DLG2: variants seen among roughly 807,000 people sequenced by gnomAD.
DLG2 encodes the protein disks large homolog 2.
Under a neutral mutation model 132.5 loss-of-function variants are expected in DLG2, and 45 were observed. The observed-to-expected ratio is 0.34, with a 90% CI of 0.27 to 0.44. The LOEUF is 0.44. DLG2 is among the 20% of genes least tolerant of loss of function. The pLI, the probability that DLG2 is intolerant of heterozygous loss-of-function variation, is 1.00. For missense variants in DLG2, 1,045 were observed against 1,196.9 expected (o/e 0.87, Z 1.87); for synonymous variants, 424 against 419.6 (o/e 1.01, Z -0.13).
intron 18 of DLG2, among the ~76,000 whole-genome samples, chr11:83,771,246 T>C (rs2094379640): frequency 6.6e-6 from 1 of 152,210 alleles, no homozygotes; most frequent in African/African-American, 2.4e-5. Flanking sequence ...TGCTGCTCAT[T>C]ACTAAGTATA....
chr11:85,477,107 C>T (rs1220666733), intron 3 of DLG2, among the ~76,000 whole-genome samples: 1 of 152,124 alleles, frequency 6.6e-6, no homozygotes, highest in African/African-American at 2.4e-5. Context: ...CCATTATAAT[C>T]ATATGGGACC....
intron 15 of DLG2, among the ~76,000 whole-genome samples, chr11:83,891,140 T>C (rs1231042514): frequency 2.0e-5 from 3 of 152,268 alleles, no homozygotes; most frequent in Non-Finnish European, 4.4e-5. Flanking sequence ...CAATATTGTA[T>C]AGGTTCATAT....
intron 16 of DLG2, among the ~76,000 whole-genome samples, chr11:83,872,219 C>T (rs537922124): frequency 3.9e-5 from 6 of 152,292 alleles, no homozygotes; most frequent in South Asian, 4.1e-4. Context: ...GCCGAGATCA[C>T]GCCACTTCAC....
chr11:84,426,705 C>A (rs1309241151), intron 7 of DLG2, among the ~76,000 whole-genome samples: 3 of 152,030 alleles, frequency 2.0e-5, no homozygotes, highest in African/African-American at 7.2e-5. Flanking sequence ...TTTCCCAAGA[C>A]TTGAAATAAA....
At chr11:83,708,124 A>G (rs1306051306) in intron 18 of DLG2, among the ~76,000 whole-genome samples, 20 of 152,242 alleles carry the variant, frequency 1.3e-4, no homozygotes, top group Admixed American at 1.2e-3. Context: ...CTTGCAATAA[A>G]TATTAGATAT....
intron 6 of DLG2, among the ~76,000 whole-genome samples, chr11:84,852,220 T>C (rs1274290592): frequency 1.3e-5 from 2 of 152,058 alleles, no homozygotes; most frequent in African/African-American, 2.4e-5. Flanking sequence ...ATAGGGTCAT[T>C]GTGTTAATAA....
intron 3 of DLG2, among the ~76,000 whole-genome samples, chr11:85,507,352 T>C (rs915076994): frequency 3.3e-5 from 5 of 152,196 alleles, no homozygotes; most frequent in Admixed American, 1.3e-4. Flanking sequence ...CTGGTACCAG[T>C]TGTTGCTTTC....
At chr11:85,064,821 G>A (rs1008822624) in intron 6 of DLG2, among the ~76,000 whole-genome samples, 1 of 151,664 alleles carries the variant, frequency 6.6e-6, no homozygotes, top group African/African-American at 2.4e-5. Flanking sequence ...CCAAAGAAGA[G>A]AGAATTCTAT....
intron 6 of DLG2, among the ~76,000 whole-genome samples, chr11:84,935,063 C>T (rs1208890015): frequency 6.6e-6 from 1 of 152,150 alleles, no homozygotes; most frequent in Non-Finnish European, 1.5e-5. Flanking sequence ...TATCCAGTTA[C>T]ATAAGTCAGA....
At chr11:84,865,119 C>T (rs748337526) in intron 6 of DLG2, among the ~76,000 whole-genome samples, 19 of 152,102 alleles carry the variant, frequency 1.2e-4, no homozygotes, top group Non-Finnish European at 2.2e-4. Flanking sequence ...CTCTCTATTA[C>T]GAAGCAACAT....
At chr11:84,201,294 C>T (rs547945668) in intron 8 of DLG2, among the ~76,000 whole-genome samples, 1 of 152,246 alleles carries the variant, frequency 6.6e-6, no homozygotes, top group South Asian at 2.1e-4. Context: ...AGGGATGAAG[C>T]CTATTTGACT....
chr11:85,504,165 C>T (rs1360660914), intron 3 of DLG2, among the ~76,000 whole-genome samples: 1 of 152,046 alleles, frequency 6.6e-6, no homozygotes, highest in Non-Finnish European at 1.5e-5. Context: ...TGTAGGTTGC[C>T]TGTTCACTCT....
At chr11:85,242,753 G>C (rs1389268418) in intron 4 of DLG2, among the ~76,000 whole-genome samples, 1 of 151,254 alleles carries the variant, frequency 6.6e-6, no homozygotes, top group Non-Finnish European at 1.5e-5. Flanking sequence ...TATTCTATCT[G>C]TTGAGTTTTG....
intron 7 of DLG2, among the ~76,000 whole-genome samples, chr11:84,368,417 G>GT (rs2098692749): frequency 6.6e-6 from 1 of 151,852 alleles, no homozygotes; most frequent in Non-Finnish European, 1.5e-5. Context: ...TTCTCCCAAG[G>GT]TAAGGATTTG....
intron 19 of DLG2, among the ~76,000 whole-genome samples, chr11:83,570,182 C>G (rs181147919): frequency 3.9e-5 from 6 of 152,272 alleles, no homozygotes; most frequent in Admixed American, 2.0e-4. Flanking sequence ...CATGTACCCC[C>G]TCAAACTCAT....
intron 6 of DLG2, among the ~76,000 whole-genome samples, chr11:84,573,798 C>T (rs2099491719): frequency 6.6e-6 from 1 of 152,162 alleles, no homozygotes; most frequent in Non-Finnish European, 1.5e-5. Context: ...TTTCTCCTAG[C>T]ATTTCTTCAT....
intron 17 of DLG2, among the ~76,000 whole-genome samples, chr11:83,787,572 C>T (rs184445050): frequency 1.1e-4 from 16 of 151,942 alleles, no homozygotes; most frequent in African/African-American, 2.9e-4. Context: ...CCGCCTGCCT[C>T]GGCCTCCCAA....
chr11:85,273,650 G>A (rs1048468351), intron 4 of DLG2, among the ~76,000 whole-genome samples: 4 of 152,216 alleles, frequency 2.6e-5, no homozygotes, highest in African/African-American at 9.7e-5. Flanking sequence ...CTTTTACACT[G>A]TTGGTGGGAC....
chr11:84,568,820 A>C (rs2099468551), intron 6 of DLG2, among the ~76,000 whole-genome samples: 2 of 152,182 alleles, frequency 1.3e-5, no homozygotes, highest in South Asian at 4.1e-4. Flanking sequence ...TTGGCCCAGA[A>C]GGTCAAATAG....
Sources: gnomAD v4.1 joint callset for allele counts (sites outside exome capture counted in the v4.1 genomes callset) on GRCh38, gnomAD v4.1.1 for gene constraint, MANE v1.5 for transcripts, NCBI Gene and HGNC (gene_info 2026-07-23, HGNC 2026-07-21) for gene names.